Variants in NUP210 observed in about 807,000 individuals in gnomAD.
NUP210 encodes nucleoporin 210, also known as nuclear pore membrane glycoprotein 210.
NUP210 carries 151 observed loss-of-function variants against 196.0 expected under a neutral mutation model. That is an observed-to-expected ratio of 0.77 (90% CI 0.67 to 0.88). NUP210 has a LOEUF of 0.88. Among genes scored for constraint, NUP210 ranks in the 40% least tolerant of loss-of-function variants. The pLI, the probability that NUP210 is intolerant of heterozygous loss-of-function variation, is 0.00. For synonymous variants in NUP210, 1,070 were observed against 1,052.7 expected (o/e 1.02, Z -0.32); for missense variants, 2,314 against 2,493.7 (o/e 0.93, Z 1.53).
chr3:13,376,227 C>T (rs553353962), intron 10 of NUP210, 64 bp downstream of exon 10: 6 of 1,581,860 alleles, frequency 3.8e-6, no homozygotes, highest in Non-Finnish European at 5.2e-6. Flanking sequence ...CCTGGGCTGA[C>T]ATTTCTGCCT....
rs1698811385 is a variant in NUP210 at position 13,373,876 on chromosome 3, G to A, written c.1432-3C>T. ...AAGTTCCCACTGCCACCGTGGGCCT[G>A]CGGAGGAAAAGCCATCACAGGACCA... On this transcript the variant is annotated splice_region_variant and splice_polypyrimidine_tract_variant and intron_variant, in intron 11 of 39. Transcript: ENST00000254508. 1.9e-6 allele frequency: 3 copies of A among 1,612,634 alleles called. No homozygotes were observed. Among genetic ancestry groups the A allele is most frequent in the Non-Finnish European group, 2.5e-6 (3 of 1,179,386 alleles).
At position 13,321,739 on chromosome 3, in the gene NUP210, A is replaced by G. The variant is rs781489631; in HGVS notation, c.5012T>C (p.Leu1671Pro). 1.9e-6 allele frequency: 3 copies of G among 1,613,930 alleles called. No homozygotes were observed. The South Asian group carries it at 3.3e-5, about 18-fold the overall frequency. ...KKTALVVSAS[L>P]SSSHFSTEQV... ...CTCTGTGGAGAAGTGGCTGCTGGAG[A>G]GGGAGGCACTGACCACCAGAGCTGT... The change falls in exon 36 of 40, where the codon CTC becomes CCC. Residue 1671 changes from leucine (L) to proline (P), a missense_variant. Physicochemically the swap from Leu to Pro is moderately conservative, Grantham distance 98. Transcript: ENST00000254508.
At chr3:13,334,429 GTGTGCA>G (rs1198879668) in intron 28 of NUP210, among the ~76,000 whole-genome samples, 1 of 152,180 alleles carries the variant, frequency 6.6e-6, no homozygotes, top group Non-Finnish European at 1.5e-5. Context: ...TGTCGTGTGT[GTGTGCA>G]TGTGCAGGCA....
At chr3:13,391,784 A>G (rs1412832873) in intron 3 of NUP210, among the ~76,000 whole-genome samples, 2 of 150,006 alleles carry the variant, frequency 1.3e-5, no homozygotes, top group South Asian at 2.2e-4. Context: ...GTGTCACATG[A>G]CTCTTGTCTC....
intron 20 of NUP210, among the ~76,000 whole-genome samples, chr3:13,344,471 A>G (rs934516387): frequency 6.6e-6 from 1 of 152,196 alleles, no homozygotes; most frequent in Non-Finnish European, 1.5e-5. Flanking sequence ...GGGGAGCAAG[A>G]GGTTTTAAAG....
At chr3:13,349,064 G>T (rs935044457) in intron 20 of NUP210, among the ~76,000 whole-genome samples, 1 of 106,026 alleles carries the variant, frequency 9.4e-6, no homozygotes, top group Admixed American at 8.9e-5. Flanking sequence ...ACTTCCCCAT[G>T]AAACATACAC....
chr3:13,370,440 A>G (rs1698692028), intron 13 of NUP210, among the ~76,000 whole-genome samples: 1 of 152,232 alleles, frequency 6.6e-6, no homozygotes, highest in Non-Finnish European at 1.5e-5. Flanking sequence ...AGCATCATAC[A>G]GCCAGCAAGG....
At chr3:13,419,573 C>A (rs1226254090) in intron 1 of NUP210, among the ~76,000 whole-genome samples, 5 of 152,232 alleles carry the variant, frequency 3.3e-5, no homozygotes, top group African/African-American at 1.2e-4. Context: ...CCTCCAGGGT[C>A]TCCGTTCCTC....
At chr3:13,342,298 T>A (rs973520873) in intron 21 of NUP210, among the ~76,000 whole-genome samples, 175 bp from the exon 22 acceptor site, 8 of 152,072 alleles carry the variant, frequency 5.3e-5, no homozygotes, top group Non-Finnish European at 1.2e-4. Context: ...TGAAAATCGA[T>A]GAGGGGGAGC....
rs183609570 is a variant in NUP210 at position 13,415,786 on chromosome 3, C to G, written c.167+4274G>C. On this transcript the variant is annotated intron_variant, in intron 1 of 39. Transcript: ENST00000254508. ...TGCTGACGTGCCCGTCCCAGAGGCT[C>G]AGGGTCCCTGAGCCCAGCAGAAGCC... 2.0e-5 allele frequency among the ~76,000 whole-genome samples: 3 copies of G among 152,320 alleles called. No individual in the cohort carries two copies. In the East Asian group the frequency reaches 5.8e-4, roughly 29 times the overall value.
At chr3:13,389,286 G>C (rs1289876322) in intron 4 of NUP210, among the ~76,000 whole-genome samples, 2 of 152,220 alleles carry the variant, frequency 1.3e-5, no homozygotes, top group African/African-American at 4.8e-5. Flanking sequence ...GAAGCTCAAG[G>C]GGTGGGGAAT....
chr3:13,337,686 G>A (rs1697272656), intron 26 of NUP210, 151 bp downstream of exon 26: 1 of 689,852 alleles, frequency 1.4e-6, no homozygotes, highest in Admixed American at 2.6e-5. Flanking sequence ...AGCAATGGAG[G>A]GTGTCTCCCT....
chr3:13,389,061 C>G (rs1699387566), intron 4 of NUP210, among the ~76,000 whole-genome samples: 1 of 152,240 alleles, frequency 6.6e-6, no homozygotes, highest in Non-Finnish European at 1.5e-5. Flanking sequence ...CCTTCCCACG[C>G]AGCCTCCCAC....
rs200492472 is a variant in NUP210, at chr3:13,325,777, C to T, written c.4644+18G>A. Reference sequence around the variant, plus strand: ...CAGGCCACTGAGCCACATGTGCCTCCGGCTGCTTAGAGCCCACCTCCTTGT... The same window carrying T: ...CAGGCCACTGAGCCACATGTGCCTCTGGCTGCTTAGAGCCCACCTCCTTGT... On this transcript the variant is annotated intron_variant, in intron 33 of 39. Transcript: ENST00000254508. 21 of 1,612,112 alleles carry T rather than the reference C, an allele frequency of 1.3e-5. No homozygotes were observed. The highest frequency in any genetic ancestry group is 7.7e-5 in the South Asian group (7 of 91,030).
rs1280870723 is a variant in NUP210, at chr3:13,347,821, T to A, written c.2835+4058A>T. 6.6e-6 allele frequency among the ~76,000 whole-genome samples: 1 copy of A among 152,166 alleles called. No homozygotes were observed. Among genetic ancestry groups the A allele is most frequent in the Non-Finnish European group, 1.5e-5 (1 of 68,030 alleles). On this transcript the variant is annotated intron_variant, in intron 20 of 39. Coordinates refer to ENST00000254508, the MANE Select transcript of NUP210 (RefSeq NM_024923.4). The surrounding 1 kb of genome is among the most constrained non-coding windows in gnomAD (Gnocchi z 4.7). ...AACCAGGACTTGCTGCTGACGTCAATACTCCCTGGAAAATTCCTCCTGCAG... is the reference window on the plus strand; with the variant it reads ...AACCAGGACTTGCTGCTGACGTCAAAACTCCCTGGAAAATTCCTCCTGCAG...
At chr3:13,401,643 C>T (rs993165526) in intron 1 of NUP210, among the ~76,000 whole-genome samples, 2 of 152,198 alleles carry the variant, frequency 1.3e-5, no homozygotes, top group Non-Finnish European at 2.9e-5. Flanking sequence ...GGCCCATACC[C>T]ACTGGAAACA....
intron 35 of NUP210, 26 bp from the exon 36 acceptor site, chr3:13,321,861 T>C: frequency 6.3e-7 from 1 of 1,595,678 alleles, no homozygotes; most frequent in Non-Finnish European, 8.5e-7. Context: ...TGTATTGTCT[T>C]GTCCCCTCTC....
chr3:13,369,016 T>C (rs1297432223), intron 13 of NUP210, among the ~76,000 whole-genome samples: 1 of 152,228 alleles, frequency 6.6e-6, no homozygotes, highest in Admixed American at 6.5e-5. Context: ...ACCATACTGC[T>C]TTCCACAGCA....
intron 25 of NUP210, among the ~76,000 whole-genome samples, chr3:13,339,443 G>C (rs1189153694): frequency 6.6e-6 from 1 of 152,242 alleles, no homozygotes; most frequent in Non-Finnish European, 1.5e-5. Context: ...GCAAGTCACT[G>C]CTGGCGAAGG....
Sources: gnomAD v4.1 joint callset for allele counts (sites outside exome capture counted in the v4.1 genomes callset) on GRCh38, gnomAD v4.1.1 for gene constraint, Gnocchi (gnomAD v3.1) non-coding constraint, MANE v1.5 for transcripts, NCBI Gene and HGNC (gene_info 2026-07-23, HGNC 2026-07-21) for gene names.